TMTC4: variants seen among roughly 807,000 people sequenced by gnomAD.
The protein encoded by TMTC4 is protein O-mannosyl-transferase TMTC4.
A neutral mutation model predicts 86.0 loss-of-function variants in TMTC4; 65 were observed. The observed-to-expected ratio is 0.76, with a 90% CI of 0.62 to 0.93. The LOEUF (loss-of-function observed/expected upper bound fraction) is 0.93, where lower values mean the gene tolerates loss of function less well. TMTC4 is among the 40% of genes least tolerant of loss of function. The probability of loss-of-function intolerance (pLI) is 0.00; values close to 1 mark genes in which losing one functional copy is unlikely to be tolerated. For missense variants in TMTC4, 866 were observed against 948.1 expected (o/e 0.91, Z 1.14); for synonymous variants, 379 against 382.5 (o/e 0.99, Z 0.11).
chr13:100,666,909 G>C (rs1886463850), intron 3 of TMTC4, among the ~76,000 whole-genome samples: 1 of 152,224 alleles, frequency 6.6e-6, no homozygotes, highest in Non-Finnish European at 1.5e-5. Flanking sequence ...AGGATGGCTT[G>C]AGCCCAGGCA....
At chr13:100,649,728 T>C (rs1480667961) in intron 6 of TMTC4, among the ~76,000 whole-genome samples, 1 of 151,598 alleles carries the variant, frequency 6.6e-6, no homozygotes, top group Non-Finnish European at 1.5e-5. Context: ...CCCTTCACAC[T>C]GGAAGAATCG....
chr13:100,669,526 A>C (rs761283218), intron 2 of TMTC4, among the ~76,000 whole-genome samples: 5 of 152,228 alleles, frequency 3.3e-5, no homozygotes, highest in Non-Finnish European at 7.3e-5. Context: ...TGAAAGAGTC[A>C]AGATAAAAAT....
chr13:100,633,470 A>G (rs1412040112), intron 12 of TMTC4, among the ~76,000 whole-genome samples: 1 of 152,194 alleles, frequency 6.6e-6, no homozygotes, highest in Non-Finnish European at 1.5e-5. Context: ...CAAGTTTTAA[A>G]AAGTGTAGTT....
chr13:100,642,913 A>G (rs1566610854), intron 6 of TMTC4, among the ~76,000 whole-genome samples: 1 of 152,188 alleles, frequency 6.6e-6, no homozygotes. Context: ...GGGCAGGTAA[A>G]GACATGGACC....
chr13:100,632,053 A>ACACACACTCTCT (rs1296569630), intron 12 of TMTC4, among the ~76,000 whole-genome samples: 69 of 43,120 alleles, frequency 1.6e-3, no homozygotes, highest in Non-Finnish European at 2.1e-3. Flanking sequence ...ACACACACAC[A>ACACACACTCTCT]CTCTCTCTCT....
Position 100,673,354 on chromosome 13 carries a change from A to G in TMTC4, c.-208+1390T>C, listed in dbSNP as rs555143414. 3.0e-6 allele frequency: 3 copies of G among 985,446 alleles called. No individual in the cohort carries two copies. The South Asian group carries it at 1.4e-4, about 46-fold the overall frequency. The allele number at this position is 985,446 out of a possible 1,614,324, so 61.0% of individuals were successfully genotyped here. A position where few individuals can be genotyped will look rare whatever the true frequency, so the allele number is the denominator to read the frequency against. ...GGAAAAATTAGCAGCAGCCACCTAC[A>G]GAAGAATATTCCCCTCCATGCATCC... On this transcript the variant is annotated intron_variant, in intron 1 of 18. Transcript: ENST00000342624.
Position 100,663,173 on chromosome 13 carries a change from A to C in TMTC4, c.343T>G (p.Tyr115Asp). Residue 115 changes from tyrosine (Y) to aspartate (D), a missense_variant, in exon 5 of 19, where the codon TAC (tyrosine) becomes GAC (aspartate). Coordinates refer to ENST00000342624, the MANE Select transcript of TMTC4 (RefSeq NM_032813.5). ...GGGTGGAAGCCTCCCGAGAGGTAGT[A>C]GTTAATCCTGCAGAAACACAGGGTG... ...PLTVLTFRINYYLSGGFHPVG... is the reference protein window; with the variant it reads ...PLTVLTFRINDYLSGGFHPVG... 2 of 1,614,216 alleles carry C rather than the reference A, an allele frequency of 1.2e-6. No individual in the cohort carries two copies. Among genetic ancestry groups the C allele is most frequent in the Non-Finnish European group, 1.7e-6 (2 of 1,180,044 alleles).
intron 12 of TMTC4, among the ~76,000 whole-genome samples, chr13:100,632,983 A>G (rs1881650711): frequency 6.6e-6 from 1 of 152,084 alleles, no homozygotes; most frequent in African/African-American, 2.4e-5. Context: ...TCTCTTCCCA[A>G]CATAATGCAA....
intron 6 of TMTC4, among the ~76,000 whole-genome samples, chr13:100,652,350 G>A (rs541090105): frequency 6.6e-6 from 1 of 150,952 alleles, no homozygotes; most frequent in African/African-American, 2.4e-5. Context: ...GTGGTGGTGG[G>A]TGACTGTAGT....
rs1455390383 is a variant in TMTC4 at position 100,674,758 on chromosome 13, AG to A, written c.-223del. 2.0e-6 allele frequency: 2 copies of A among 983,422 alleles called. No homozygotes were observed. Among genetic ancestry groups the A allele is most frequent in the Admixed American group, 1.2e-4 (2 of 16,122 alleles). 60.9% of individuals were successfully genotyped at this position (983,422 alleles called of 1,614,324 possible). ...CCGCGCGTTACCTGCAAGGAGCCTGAGCCCCGGCCGCATCTCCCTCCCGGGT... is the reference window on the plus strand; with the variant it reads ...CCGCGCGTTACCTGCAAGGAGCCTGACCCCGGCCGCATCTCCCTCCCGGGT... On this transcript the variant is annotated 5_prime_UTR_variant, in exon 1 of 19. An upstream open reading frame in the 5' UTR gains an earlier in-frame stop. Coordinates refer to ENST00000342624, the MANE Select transcript of TMTC4 (RefSeq NM_032813.5).
At chr13:100,627,879 G>A (rs1880788077) in intron 12 of TMTC4, among the ~76,000 whole-genome samples, 1 of 152,114 alleles carries the variant, frequency 6.6e-6, no homozygotes, top group Non-Finnish European at 1.5e-5. Flanking sequence ...GGTGTCAGGG[G>A]CTCCAGGGAG....
intron 15 of TMTC4, among the ~76,000 whole-genome samples, chr13:100,623,644 TG>T (rs370210689): frequency 0.12 from 15,004 of 123,692 alleles, 1,613 homozygotes; most frequent in African/African-American, 0.14. Context: ...AGTTGGGTTT[TG>T]TTTTTTTTTT....
chr13:100,668,537 G>C (rs1332535265), intron 3 of TMTC4, 42 bp downstream of exon 3: 5 of 1,577,230 alleles, frequency 3.2e-6, no homozygotes, highest in Admixed American at 1.7e-5. Flanking sequence ...CTGAGACACA[G>C]TTGGGCAGTT....
At position 100,674,273 on chromosome 13, in the gene TMTC4, G is replaced by A; in HGVS notation, c.-208+471C>T. On this transcript the variant is annotated intron_variant, in intron 1 of 18. Transcript: ENST00000342624. ...GGCGGGGGAGCCGCCGCGGAACCCA[G>A]GGCAGGCGGCCAAGCGGCCCGGCTG... 3.1e-6 allele frequency: 3 copies of A among 979,568 alleles called. 1 individual carries two copies. In the South Asian group the frequency reaches 1.4e-4, roughly 46 times the overall value. 60.7% of individuals were successfully genotyped at this position (979,568 alleles called of 1,614,324 possible). A position where few individuals can be genotyped will look rare whatever the true frequency, so the allele number is the denominator to read the frequency against.
chr13:100,647,083 G>A (rs372531321), intron 6 of TMTC4, among the ~76,000 whole-genome samples: 81 of 152,286 alleles, frequency 5.3e-4, no homozygotes, highest in African/African-American at 1.8e-3. Context: ...CGGGCCTTCC[G>A]CCACGTCATG....
At chr13:100,608,514 A>C (rs1200505084) in intron 17 of TMTC4, among the ~76,000 whole-genome samples, 1 of 152,088 alleles carries the variant, frequency 6.6e-6, no homozygotes, top group Non-Finnish European at 1.5e-5. Flanking sequence ...GTTTGAGAGG[A>C]GGTGTGGGTG....
At chr13:100,630,067 ATGTG>A (rs144614010) in intron 12 of TMTC4, among the ~76,000 whole-genome samples, 3 of 120,342 alleles carry the variant, frequency 2.5e-5, no homozygotes, top group Non-Finnish European at 5.2e-5. Flanking sequence ...GTGTGTGTGT[ATGTG>A]TGTGTGTGTG....
In TMTC4 at chr13:100,653,599, G is replaced by A. The variant is rs1012466898; in HGVS notation, c.640+2782C>T. 2.0e-5 allele frequency among the ~76,000 whole-genome samples: 3 copies of A among 152,314 alleles called. No homozygotes were observed. The South Asian group carries it at 6.2e-4, about 32-fold the overall frequency. ...CAGTGTGTCTAAGGCCCTCTCTCAA[G>A]AATCCACGTGGCTCTGCGCCTCCAG... On this transcript the variant is annotated intron_variant, in intron 6 of 18. Transcript: ENST00000342624.
intron 12 of TMTC4, among the ~76,000 whole-genome samples, chr13:100,632,053 A>ACACACACACACACACTCTCTCT (rs1296569630): frequency 1.0e-3 from 43 of 43,122 alleles, no homozygotes; most frequent in African/African-American, 1.4e-3. Flanking sequence ...ACACACACAC[A>ACACACACACACACACTCTCTCT]CTCTCTCTCT....
Sources: gnomAD v4.1 joint callset for allele counts (sites outside exome capture counted in the v4.1 genomes callset) on GRCh38, gnomAD v4.1.1 for gene constraint, MANE v1.5 for transcripts, NCBI Gene and HGNC (gene_info 2026-07-23, HGNC 2026-07-21) for gene names.